The following CSGALNACT1 variants were observed in gnomAD, a reference collection of about 807,000 sequenced individuals.
CSGALNACT1 encodes chondroitin sulfate N-acetylgalactosaminyltransferase 1, also known as beta4GalNAcT-1.
A neutral mutation model predicts 51.0 loss-of-function variants in CSGALNACT1; 52 were observed. The ratio of observed to expected loss-of-function variants is 1.02; its 90% CI spans 0.82 to 1.29. The LOEUF is 1.29. Ranked by LOEUF, CSGALNACT1 falls within the 50% of genes most tolerant of loss-of-function variation. CSGALNACT1 has a pLI of 0.00. For missense variants in CSGALNACT1, 935 were observed against 679.2 expected, an observed-to-expected ratio of 1.38 and a Z score of -4.19; for synonymous variants, 341 against 254.4, an observed-to-expected ratio of 1.34 and a Z score of -3.24.
chr8:19,673,386 G>A (rs1036506306), intron 1 of CSGALNACT1, among the ~76,000 whole-genome samples: 3 of 152,214 alleles, frequency 2.0e-5, no homozygotes, highest in Admixed American at 6.5e-5. Context: ...GACTGTAGAT[G>A]CATGCGACAG....
intron 1 of CSGALNACT1, among the ~76,000 whole-genome samples, chr8:19,631,911 G>A (rs541526940): frequency 6.6e-6 from 1 of 152,170 alleles, no homozygotes; most frequent in African/African-American, 2.4e-5. Context: ...TTCTTCTATA[G>A]CTTATCCAGA....
intron 8 of CSGALNACT1, among the ~76,000 whole-genome samples, chr8:19,414,895 G>A (rs1049058420): frequency 5.9e-5 from 9 of 152,166 alleles, no homozygotes; most frequent in Non-Finnish European, 8.8e-5. Flanking sequence ...GAGTCAGAAC[G>A]TACCCTTAGT....
At chr8:19,589,476 C>G (rs1392833937) in intron 3 of CSGALNACT1, among the ~76,000 whole-genome samples, 1 of 152,112 alleles carries the variant, frequency 6.6e-6, no homozygotes, top group East Asian at 1.9e-4. Flanking sequence ...CGGGAGTGCA[C>G]CACCACATCT....
chr8:19,631,352 T>C (rs1317741136), intron 1 of CSGALNACT1, among the ~76,000 whole-genome samples: 2 of 152,214 alleles, frequency 1.3e-5, no homozygotes, highest in African/African-American at 2.4e-5. Flanking sequence ...CTCCACATCC[T>C]TGCTGGTGCT....
intron 3 of CSGALNACT1, among the ~76,000 whole-genome samples, chr8:19,555,311 G>A (rs1301494034): frequency 1.3e-5 from 2 of 152,168 alleles, no homozygotes; most frequent in Non-Finnish European, 1.5e-5. Flanking sequence ...CTCTCTAAGG[G>A]GGACCATCAA....
intron 6 of CSGALNACT1, among the ~76,000 whole-genome samples, chr8:19,435,878 G>GCA (rs143530653): frequency 6.6e-5 from 10 of 151,636 alleles, no homozygotes; most frequent in Admixed American, 2.6e-4. Context: ...TCCTTATGCA[G>GCA]CACACACACA....
chr8:19,621,810 C>G (rs1250967490), intron 1 of CSGALNACT1, among the ~76,000 whole-genome samples: 1 of 152,142 alleles, frequency 6.6e-6, no homozygotes, highest in Non-Finnish European at 1.5e-5. Context: ...AGTAAAACAA[C>G]ACATCATTCA....
At chr8:19,471,777 C>A (rs2068240476) in intron 4 of CSGALNACT1, among the ~76,000 whole-genome samples, 1 of 152,272 alleles carries the variant, frequency 6.6e-6, no homozygotes, top group Admixed American at 6.5e-5. Flanking sequence ...TGAGAAAACT[C>A]AACGGAAGAG....
intron 1 of CSGALNACT1, among the ~76,000 whole-genome samples, chr8:19,710,158 TA>T (rs1256575847): frequency 6.6e-6 from 1 of 152,196 alleles, no homozygotes; most frequent in Non-Finnish European, 1.5e-5. Flanking sequence ...TTCAAAATGT[TA>T]GAGAAAAAGA....
chr8:19,428,020 G>A (rs2059047397), intron 6 of CSGALNACT1, among the ~76,000 whole-genome samples: 1 of 152,128 alleles, frequency 6.6e-6, no homozygotes, highest in African/African-American at 2.4e-5. Flanking sequence ...GCTACCTTAG[G>A]AGGACACAAT....
chr8:19,668,907 C>T (rs1009505871), intron 1 of CSGALNACT1, among the ~76,000 whole-genome samples: 1 of 152,080 alleles, frequency 6.6e-6, no homozygotes, highest in Non-Finnish European at 1.5e-5. Context: ...TAAGGAACAC[C>T]CTTCTTGAAA....
chr8:19,737,837 T>C (rs200702151), intron 1 of CSGALNACT1, among the ~76,000 whole-genome samples: 5 of 152,258 alleles, frequency 3.3e-5, no homozygotes, highest in East Asian at 1.9e-4. Flanking sequence ...ATGAGGTACT[T>C]AGAGTGGTCA....
intron 6 of CSGALNACT1, among the ~76,000 whole-genome samples, chr8:19,436,657 A>G (rs1204690630): frequency 6.6e-6 from 1 of 152,246 alleles, no homozygotes; most frequent in Non-Finnish European, 1.5e-5. Context: ...CCATAATCCC[A>G]GAACTTTGGG....
chr8:19,574,953 T>G (rs2043840730), intron 3 of CSGALNACT1, among the ~76,000 whole-genome samples: 1 of 151,892 alleles, frequency 6.6e-6, no homozygotes, highest in Non-Finnish European at 1.5e-5. Context: ...GAGAATCTCT[T>G]GAACCCTGGA....
At chr8:19,553,661 A>C (rs992167064) in intron 3 of CSGALNACT1, among the ~76,000 whole-genome samples, 1 of 145,870 alleles carries the variant, frequency 6.9e-6, no homozygotes, top group Admixed American at 6.8e-5. Context: ...CAGCCTTTCT[A>C]TTACTTCTTA....
rs573046471 is a variant in CSGALNACT1, at chr8:19,626,847, AAT to A, written c.-543-24984_-543-24983del. 4.0e-4 allele frequency among the ~76,000 whole-genome samples: 61 copies of A among 152,314 alleles called. No individual in the cohort carries two copies. In the South Asian group the frequency reaches 0.012, roughly 31 times the overall value. On this transcript the variant is annotated intron_variant, in intron 1 of 9. Coordinates refer to the CSGALNACT1 transcript ENST00000332246. Reference sequence around the variant, plus strand: ...AGAGGAAAACACAAATTAAAACCTCAATGAGATACCACTACACACCTATTAGA... The same window carrying A: ...AGAGGAAAACACAAATTAAAACCTCAGAGATACCACTACACACCTATTAGA...
intron 1 of CSGALNACT1, among the ~76,000 whole-genome samples, chr8:19,613,348 G>A (rs1006100680): frequency 6.6e-6 from 1 of 152,142 alleles, no homozygotes; most frequent in Non-Finnish European, 1.5e-5. Flanking sequence ...TTAAAATATA[G>A]ATCATCCCTT....
chr8:19,682,250 GC>G (rs2060674160), intron 1 of CSGALNACT1, among the ~76,000 whole-genome samples: 1 of 152,156 alleles, frequency 6.6e-6, no homozygotes, highest in Non-Finnish European at 1.5e-5. Flanking sequence ...CTCGGGTCCA[GC>G]AAGTGTTAGG....
At chr8:19,440,803 G>T (rs1432096053) in intron 5 of CSGALNACT1, among the ~76,000 whole-genome samples, 2 of 152,070 alleles carry the variant, frequency 1.3e-5, no homozygotes, top group African/African-American at 4.8e-5. Flanking sequence ...TGACATGATT[G>T]TATATCTAGA....
Sources: allele counts gnomAD v4.1 joint callset (sites outside exome capture counted in the v4.1 genomes callset), GRCh38; gene constraint gnomAD v4.1.1; transcripts MANE v1.5; gene names NCBI Gene and HGNC (gene_info 2026-07-23, HGNC 2026-07-21).